The following RBM27 variants were observed in gnomAD, a reference collection of about 807,000 sequenced individuals.
The protein encoded by RBM27 is RNA binding motif protein 27.
RBM27 carries 22 observed loss-of-function variants against 135.3 expected under a neutral mutation model. The observed-to-expected ratio is 0.16, with a 90% CI of 0.12 to 0.23. The LOEUF (loss-of-function observed/expected upper bound fraction) is 0.23. Among genes scored for constraint, RBM27 ranks in the 10% least tolerant of loss-of-function variants. The pLI is 1.00. For missense variants in RBM27, 1,009 were observed against 1,281.0 expected, an observed-to-expected ratio of 0.79 and a Z score of 3.24; for synonymous variants, 481 against 442.4, an observed-to-expected ratio of 1.09 and a Z score of -1.10.
Position 146,251,845 on chromosome 5 carries a change from T to G in RBM27, c.1414T>G (p.Ser472Ala), listed in dbSNP as rs752417111. ...GGGATCCTCCATTGGATACCATACC[T>G]CAGTCTCCAGCCCTACCCCTCTGGT... Reference protein sequence around the residue: ...LMGSSIGYHTSVSSPTPLVPD... With the variant: ...LMGSSIGYHTAVSSPTPLVPD... Residue 472 changes from serine to alanine, a missense_variant, in exon 9 of 21, where the codon TCA (serine) becomes GCA (alanine). Ser to Ala is a moderately conservative substitution (Grantham distance 99, BLOSUM62 1). This residue lies in a region of RBM27 where 329 missense variants were observed against 368.1 expected (regional missense o/e 0.89). Transcript: ENST00000265271. 3 of 1,614,138 alleles carry G rather than the reference T, an allele frequency of 1.9e-6. No individual in the cohort carries two copies. The highest frequency in any genetic ancestry group is 2.5e-6 in the Non-Finnish European group (3 of 1,180,024).
chr5:146,225,092 C>G (rs566513866), intron 3 of RBM27, among the ~76,000 whole-genome samples: 1 of 152,222 alleles, frequency 6.6e-6, no homozygotes, highest in East Asian at 1.9e-4. Flanking sequence ...ATCAATTGAT[C>G]AAGCAATGTC....
intron 14 of RBM27, among the ~76,000 whole-genome samples, chr5:146,265,086 C>T (rs1416625927): frequency 6.6e-6 from 1 of 152,092 alleles, no homozygotes; most frequent in African/African-American, 2.4e-5. Context: ...TAGTTATCTT[C>T]CTTCTAAGAA....
intron 20 of RBM27, among the ~76,000 whole-genome samples, 198 bp from the exon 21 acceptor site, chr5:146,285,749 C>G (rs1409974437): frequency 6.6e-6 from 1 of 150,540 alleles, no homozygotes; most frequent in Non-Finnish European, 1.5e-5. Flanking sequence ...GCAAAATTAG[C>G]AGGGGAGAAG....
At chr5:146,231,389 G>A (rs1377856476) in intron 6 of RBM27, among the ~76,000 whole-genome samples, 1 of 152,094 alleles carries the variant, frequency 6.6e-6, no homozygotes, top group African/African-American at 2.4e-5. Flanking sequence ...ATAGGTGTGA[G>A]CCACCGCACC....
At chr5:146,224,983 A>G (rs1420106909) in intron 3 of RBM27, among the ~76,000 whole-genome samples, 1 of 152,220 alleles carries the variant, frequency 6.6e-6, no homozygotes, top group Non-Finnish European at 1.5e-5. Context: ...TATTTCCTAC[A>G]TATAAGGAAT....
At chr5:146,276,171 T>G (rs1447306062) in intron 19 of RBM27, among the ~76,000 whole-genome samples, 1 of 152,134 alleles carries the variant, frequency 6.6e-6, no homozygotes, top group Non-Finnish European at 1.5e-5. Context: ...GCTTCCCACC[T>G]CTCCAGTTTT....
chr5:146,266,428 A>G (rs921327020), intron 14 of RBM27, among the ~76,000 whole-genome samples: 10 of 152,210 alleles, frequency 6.6e-5, no homozygotes, highest in Non-Finnish European at 1.2e-4. Context: ...ATGGGGGGAA[A>G]TTGTTTAGAA....
At position 146,271,482 on chromosome 5, in the gene RBM27, G is replaced by A; in HGVS notation, c.2797-1G>A. The A allele has an allele frequency of 6.2e-7, 1 of 1,607,406 alleles. No homozygotes were observed. The highest frequency in any genetic ancestry group is 8.5e-7 in the Non-Finnish European group (1 of 1,174,606). On this transcript the variant is annotated splice_acceptor_variant, in intron 18 of 20. Transcript: ENST00000265271. LOFTEE classifies it high-confidence loss of function. ...ACATTCTACTTTTTGTTGTTATTCA[G>A]GCTGCACGGTTAGGTATTTTACCTG...
intron 19 of RBM27, among the ~76,000 whole-genome samples, chr5:146,282,150 C>A (rs1415350271): frequency 2.0e-5 from 3 of 151,846 alleles, no homozygotes; most frequent in African/African-American, 4.8e-5. Context: ...GGATTATGGG[C>A]GTGTGCCAGT....
chr5:146,258,553 G>C lies in RBM27; in HGVS notation c.1699G>C (p.Gly567Arg). ...AGATAGTCGAAAAAGAGCTATGAGT[G>C]GTTTGGAAGGGCCACTCACAAAGAA... ...EPDSRKRAMS[G>R]LEGPLTKKPW... The change falls in exon 11 of 21, where the codon GGT becomes CGT. Residue 567 changes from glycine to arginine, a missense_variant. This residue lies in a region of RBM27 where 329 missense variants were observed against 368.1 expected (regional missense o/e 0.89). Transcript: ENST00000265271. 1 of 1,583,648 alleles carries C rather than the reference G, an allele frequency of 6.3e-7. No individual in the cohort carries two copies. The highest frequency in any genetic ancestry group is 8.6e-7 in the Non-Finnish European group (1 of 1,165,028).
chr5:146,225,629 C>T (rs1756640478), intron 3 of RBM27, among the ~76,000 whole-genome samples: 1 of 150,924 alleles, frequency 6.6e-6, no homozygotes, highest in African/African-American at 2.4e-5. Context: ...GCAGTGGTGC[C>T]ATCTCAGCTC....
At chr5:146,204,040 G>T (rs1405313004) in intron 1 of RBM27, among the ~76,000 whole-genome samples, 1 of 152,156 alleles carries the variant, frequency 6.6e-6, no homozygotes, top group African/African-American at 2.4e-5. Flanking sequence ...GGGGACTGGG[G>T]GGGCAGGCAA....
chr5:146,242,572 A>G (rs1757449764), intron 8 of RBM27, among the ~76,000 whole-genome samples: 1 of 152,188 alleles, frequency 6.6e-6, no homozygotes, highest in Non-Finnish European at 1.5e-5. Flanking sequence ...GGGGATGTGT[A>G]GTATAGTTTG....
intron 9 of RBM27, among the ~76,000 whole-genome samples, chr5:146,253,519 C>CT (rs1285348158): frequency 6.6e-6 from 1 of 151,180 alleles, no homozygotes; most frequent in Admixed American, 6.6e-5. Flanking sequence ...CTAGTGATGC[C>CT]TTTTTTGTGT....
chr5:146,267,755 T>C lies in RBM27; in HGVS notation c.2438T>C (p.Leu813Pro). Reference sequence around the variant, plus strand: ...AAATCTCATGATGTTCAAGAAGTGCTTAAAAAAAAACAGGTAACAGTCTTG... The same window carrying C: ...AAATCTCATGATGTTCAAGAAGTGCCTAAAAAAAAACAGGTAACAGTCTTG... Reference protein sequence around the residue: ...GSKSHDVQEVLKKKQEAMKLQ... With the variant: ...GSKSHDVQEVPKKKQEAMKLQ... The change falls in exon 15 of 21, where the codon CTT becomes CCT. Residue 813 changes from leucine to proline, a missense_variant. By Grantham distance (98) the Leu-to-Pro change is moderately conservative (BLOSUM62 -3). Around this residue, in one of 6 missense-constraint regions of RBM27, gnomAD observed 355 missense variants for 427.3 expected, o/e 0.83. Transcript: ENST00000265271. 1 of 1,600,882 alleles carries C rather than the reference T, an allele frequency of 6.2e-7. No individual in the cohort carries two copies. The highest frequency in any genetic ancestry group is 8.5e-7 in the Non-Finnish European group (1 of 1,176,078).
At chr5:146,264,253 G>A (rs890901686) in intron 14 of RBM27, among the ~76,000 whole-genome samples, 1 of 151,864 alleles carries the variant, frequency 6.6e-6, no homozygotes, top group Non-Finnish European at 1.5e-5. Flanking sequence ...GCACAATCTC[G>A]GCTCACCGCA....
chr5:146,235,411 C>T (rs897774639), intron 7 of RBM27, among the ~76,000 whole-genome samples: 1 of 152,036 alleles, frequency 6.6e-6, no homozygotes, highest in South Asian at 2.1e-4. Flanking sequence ...CAAAAATTAG[C>T]CAGGCATGTC....
chr5:146,217,512 T>C (rs1487514343), intron 1 of RBM27, among the ~76,000 whole-genome samples: 1 of 143,864 alleles, frequency 7.0e-6, no homozygotes, highest in Non-Finnish European at 1.5e-5. Flanking sequence ...TCTCACTCTG[T>C]TGCCTAGGCT....
At chr5:146,272,174 CATT>C (rs1247101088) in intron 19 of RBM27, among the ~76,000 whole-genome samples, 1 of 152,176 alleles carries the variant, frequency 6.6e-6, no homozygotes, top group African/African-American at 2.4e-5. Flanking sequence ...ATTTTATTGA[CATT>C]ATTTGTGCTA....
Sources: allele counts gnomAD v4.1 joint callset (sites outside exome capture counted in the v4.1 genomes callset), GRCh38; gene constraint gnomAD v4.1.1; regional missense constraint gnomAD v4.1.1; transcripts MANE v1.5; gene names NCBI Gene and HGNC (gene_info 2026-07-23, HGNC 2026-07-21).